DGKI: variants seen among roughly 807,000 people sequenced by gnomAD.
DGKI encodes DAG kinase iota.
In DGKI, 55 loss-of-function variants were observed where a neutral mutation model predicts 147.5. The observed-to-expected ratio is 0.37, with a 90% CI of 0.30 to 0.47. The LOEUF (loss-of-function observed/expected upper bound fraction) is 0.47, where lower values mean the gene tolerates loss of function less well. DGKI is among the 20% of genes least tolerant of loss of function. The probability of loss-of-function intolerance (pLI) is 1.00; values close to 1 mark genes in which losing one functional copy is unlikely to be tolerated. For missense variants in DGKI, 1,007 were observed against 1,323.8 expected, an observed-to-expected ratio of 0.76 and a Z score of 3.71; for synonymous variants, 469 against 477.1, an observed-to-expected ratio of 0.98 and a Z score of 0.22.
intron 20 of DGKI, among the ~76,000 whole-genome samples, chr7:137,531,220 T>C (rs1387249672): frequency 6.6e-6 from 1 of 152,136 alleles, no homozygotes. Context: ...TTCCAACTGT[T>C]GAGATGAAGA....
intron 3 of DGKI, among the ~76,000 whole-genome samples, chr7:137,673,981 T>C (rs1284715384): frequency 1.3e-5 from 2 of 152,308 alleles, no homozygotes; most frequent in South Asian, 4.1e-4. Context: ...AATGAATAAA[T>C]GTACATAAAA....
At chr7:137,660,623 A>T (rs1822390945) in intron 3 of DGKI, among the ~76,000 whole-genome samples, 1 of 152,182 alleles carries the variant, frequency 6.6e-6, no homozygotes, top group African/African-American at 2.4e-5. Context: ...TAAAGAGATT[A>T]ATATTGAATC....
At chr7:137,778,435 C>T (rs1349626334) in intron 1 of DGKI, among the ~76,000 whole-genome samples, 1 of 152,036 alleles carries the variant, frequency 6.6e-6, no homozygotes, top group Non-Finnish European at 1.5e-5. Context: ...AAATGGTTTG[C>T]TTGGGTTTGC....
intron 1 of DGKI, among the ~76,000 whole-genome samples, chr7:137,819,470 C>T (rs573708654): frequency 2.6e-5 from 4 of 152,132 alleles, no homozygotes; most frequent in South Asian, 2.1e-4. Flanking sequence ...GCCACCACGC[C>T]CAGCTAATTT....
intron 20 of DGKI, among the ~76,000 whole-genome samples, chr7:137,543,694 C>T (rs1354389629): frequency 6.6e-6 from 1 of 152,158 alleles, no homozygotes; most frequent in African/African-American, 2.4e-5. Flanking sequence ...CCCCCTTCCC[C>T]TCCCCGCCAA....
chr7:137,493,516 A>C (rs1371762991), intron 21 of DGKI, among the ~76,000 whole-genome samples: 2 of 152,190 alleles, frequency 1.3e-5, no homozygotes, highest in Non-Finnish European at 2.9e-5. Context: ...GCCCAAAATG[A>C]GCCCACCAGA....
Position 137,578,272 on chromosome 7 carries a change from C to A in DGKI, c.1696G>T (p.Gly566Trp). 1 of 1,606,632 alleles carries A rather than the reference C, an allele frequency of 6.2e-7. No homozygotes were observed. The highest frequency in any genetic ancestry group is 8.5e-7 in the Non-Finnish European group (1 of 1,173,250). Residue 566 changes from glycine to tryptophan, a missense_variant and splice_region_variant, in exon 16 of 33, where the codon GGG becomes TGG. Physicochemically the swap from Gly to Trp is radical, Grantham distance 184. Transcript: ENST00000614521. ...SRFRNKMFYA[G>W]AAFSDFLQRS... ...TATGAAATAAAATGTATACCTACCC[C>A]TGCATAGAACATTTTATTTCGAAAA...
At chr7:137,432,487 T>G (rs1301393532) in intron 28 of DGKI, among the ~76,000 whole-genome samples, 1 of 152,194 alleles carries the variant, frequency 6.6e-6, no homozygotes, top group African/African-American at 2.4e-5. Context: ...TCCTGTCTCT[T>G]TCTTTTGTTG....
At chr7:137,479,823 T>G (rs191891049) in intron 23 of DGKI, among the ~76,000 whole-genome samples, 1 of 152,248 alleles carries the variant, frequency 6.6e-6, no homozygotes, top group Admixed American at 6.5e-5. Flanking sequence ...CCCCAACATC[T>G]CCCACATACA....
intron 20 of DGKI, among the ~76,000 whole-genome samples, chr7:137,523,239 C>A (rs1356057893): frequency 6.6e-6 from 1 of 151,916 alleles, no homozygotes; most frequent in Non-Finnish European, 1.5e-5. Context: ...CAGACACACA[C>A]CCATTTAATT....
At chr7:137,636,237 A>C (rs1445920437) in intron 6 of DGKI, among the ~76,000 whole-genome samples, 1 of 152,178 alleles carries the variant, frequency 6.6e-6, no homozygotes, top group African/African-American at 2.4e-5. Flanking sequence ...TGGTCCGCCT[A>C]CCAGGTAGGT....
intron 1 of DGKI, among the ~76,000 whole-genome samples, chr7:137,786,206 TG>T (rs565762776): frequency 1.2e-4 from 19 of 152,264 alleles, no homozygotes; most frequent in African/African-American, 3.1e-4. Flanking sequence ...ATGATATCAT[TG>T]TATACCTAGA....
chr7:137,579,452 G>GAA (rs67445318), intron 15 of DGKI, among the ~76,000 whole-genome samples: 2,553 of 138,300 alleles, frequency 0.018, 79 homozygotes, highest in African/African-American at 0.065. Context: ...AAAAAAAAAA[G>GAA]AAAGAAAAAA....
intron 6 of DGKI, among the ~76,000 whole-genome samples, chr7:137,625,865 C>G (rs913111546): frequency 7.2e-5 from 11 of 152,130 alleles, no homozygotes; most frequent in Non-Finnish European, 1.3e-4. Context: ...CTTCGGCCCA[C>G]TAGACTCTGT....
intron 28 of DGKI, among the ~76,000 whole-genome samples, chr7:137,443,805 A>T (rs931847404): frequency 6.6e-6 from 1 of 152,142 alleles, no homozygotes; most frequent in African/African-American, 2.4e-5. Context: ...AAACCACAAA[A>T]AGTTTCTGCT....
chr7:137,566,113 T>C (rs1242712618), intron 19 of DGKI, among the ~76,000 whole-genome samples: 4 of 152,132 alleles, frequency 2.6e-5, no homozygotes, highest in Non-Finnish European at 5.9e-5. Context: ...TACACACATA[T>C]AAATTTCTAA....
At chr7:137,525,103 A>AAC (rs3051938) in intron 20 of DGKI, among the ~76,000 whole-genome samples, 33,112 of 151,946 alleles carry the variant, frequency 0.22, 6,277 homozygotes, top group African/African-American at 0.51. Context: ...CATGGCATAA[A>AAC]AGACACTATT....
rs548609810 is a variant in DGKI at position 137,554,587 on chromosome 7, A to G, written c.1948-2019T>C. Among the ~76,000 whole-genome samples, 20 of 151,506 alleles carry G rather than the reference A, an allele frequency of 1.3e-4. No individual in the cohort carries two copies. The East Asian group carries it at 3.9e-3, about 29-fold the overall frequency. ...GAGATTTTCTATCTTTTCACACTAC[A>G]CTCTTCCCTGGAATATTTTCCCTCA... On this transcript the variant is annotated intron_variant, in intron 19 of 32. Transcript: ENST00000614521.
intron 1 of DGKI, among the ~76,000 whole-genome samples, chr7:137,776,517 G>A (rs1466664785): frequency 6.6e-6 from 1 of 152,190 alleles, no homozygotes; most frequent in Non-Finnish European, 1.5e-5. Context: ...TTTATTCATA[G>A]ATGCTTAGAA....
Sources: allele counts gnomAD v4.1 joint callset (sites outside exome capture counted in the v4.1 genomes callset), GRCh38; gene constraint gnomAD v4.1.1; transcripts MANE v1.5; gene names NCBI Gene and HGNC (gene_info 2026-07-23, HGNC 2026-07-21).